FBXL7: variants seen among roughly 807,000 people sequenced by gnomAD.
The protein encoded by FBXL7 is F-box/LRR-repeat protein 7.
Under a neutral mutation model 38.3 loss-of-function variants are expected in FBXL7, and 12 were observed. That is an observed-to-expected ratio of 0.31 (90% confidence interval 0.20 to 0.51). The LOEUF (loss-of-function observed/expected upper bound fraction) is 0.51. Among genes scored for constraint, FBXL7 ranks in the 20% least tolerant of loss-of-function variants. The pLI is 0.98. For missense variants in FBXL7, 567 were observed against 676.4 expected, an observed-to-expected ratio of 0.84 and a Z score of 1.79; for synonymous variants, 297 against 300.9, an observed-to-expected ratio of 0.99 and a Z score of 0.13.
At chr5:15,656,367 T>C (rs1194476005) in intron 2 of FBXL7, among the ~76,000 whole-genome samples, 1 of 152,220 alleles carries the variant, frequency 6.6e-6, no homozygotes, top group East Asian at 1.9e-4. Flanking sequence ...AAAGGTTTAA[T>C]TGGACTTACA....
At chr5:15,777,561 TATAAA>T (rs1360990770) in intron 2 of FBXL7, among the ~76,000 whole-genome samples, 1 of 151,858 alleles carries the variant, frequency 6.6e-6, no homozygotes, top group Non-Finnish European at 1.5e-5. Flanking sequence ...TTGTCAGACT[TATAAA>T]ATATTATCCA....
At chr5:15,511,700 T>A (rs1561010484) in intron 1 of FBXL7, among the ~76,000 whole-genome samples, 1 of 152,334 alleles carries the variant, frequency 6.6e-6, no homozygotes, top group South Asian at 2.1e-4. Context: ...ACAGGAATGG[T>A]GGCAGGGGCA....
intron 2 of FBXL7, among the ~76,000 whole-genome samples, chr5:15,671,188 T>C (rs1200915016): frequency 6.6e-6 from 1 of 152,218 alleles, no homozygotes; most frequent in Non-Finnish European, 1.5e-5. Flanking sequence ...AAAGTTGCTA[T>C]AGTTCTGTAC....
At chr5:15,569,958 T>C (rs2126450416) in intron 1 of FBXL7, among the ~76,000 whole-genome samples, 1 of 152,328 alleles carries the variant, frequency 6.6e-6, no homozygotes, top group East Asian at 1.9e-4. Context: ...TCATGGTGGA[T>C]AAGTTTTTTG....
At chr5:15,673,569 G>A (rs187126227) in intron 2 of FBXL7, among the ~76,000 whole-genome samples, 14 of 152,130 alleles carry the variant, frequency 9.2e-5, no homozygotes, top group African/African-American at 3.1e-4. Context: ...CCTTTGGAGT[G>A]GTCACATGGT....
chr5:15,565,313 G>A (rs1195349509), intron 1 of FBXL7, among the ~76,000 whole-genome samples: 1 of 151,940 alleles, frequency 6.6e-6, no homozygotes, highest in African/African-American at 2.4e-5. Flanking sequence ...TCAAATGAAC[G>A]GAAACCTTCA....
intron 1 of FBXL7, among the ~76,000 whole-genome samples, chr5:15,543,398 AC>A (rs1737810559): frequency 6.6e-6 from 1 of 152,132 alleles, no homozygotes; most frequent in African/African-American, 2.4e-5. Flanking sequence ...ACCTGGCTCC[AC>A]CCTTGACGCT....
rs146294046 is a variant in FBXL7, at chr5:15,828,141, A to G, written c.128-99749A>G. The stretch of plus-strand genomic sequence containing the variant: ...GTTTCACATCATACCTGAAAAATGG[A>G]AATAATACCTATCTTATGAGGTTGT... On this transcript the variant is annotated intron_variant, in intron 2 of 3. Transcript: ENST00000504595. Among the ~76,000 whole-genome samples, 493 of 152,322 alleles carry G rather than the reference A, an allele frequency of 3.2e-3. 3 individuals are homozygous for G. Among genetic ancestry groups the G allele is most frequent in the African/African-American group, 0.011 (470 of 41,564 alleles).
intron 1 of FBXL7, among the ~76,000 whole-genome samples, chr5:15,523,385 C>T (rs767395818): frequency 2.5e-4 from 38 of 151,960 alleles, no homozygotes; most frequent in Non-Finnish European, 4.4e-4. Flanking sequence ...GGTGAAACCC[C>T]GTCTCTACTA....
intron 2 of FBXL7, among the ~76,000 whole-genome samples, chr5:15,829,483 AAAC>A (rs201040522): frequency 0.15 from 4,950 of 32,240 alleles, 275 homozygotes; most frequent in African/African-American, 0.42. Flanking sequence ...TTATAAAAAC[AAAC>A]AAAGCATGGT....
chr5:15,501,778 C>G, intron 1 of FBXL7: 1 of 980,520 alleles, frequency 1.0e-6, no homozygotes, highest in East Asian at 1.1e-4. Context: ...CAGAAACCGA[C>G]CCTACAAAAA....
intron 2 of FBXL7, among the ~76,000 whole-genome samples, chr5:15,662,486 G>A (rs1304120788): frequency 6.6e-6 from 1 of 152,022 alleles, no homozygotes; most frequent in East Asian, 1.9e-4. Context: ...TTCTTTTTCT[G>A]TGCAGAAGCT....
At chr5:15,529,626 G>T (rs866010533) in intron 1 of FBXL7, among the ~76,000 whole-genome samples, 13 of 152,078 alleles carry the variant, frequency 8.5e-5, no homozygotes, top group Non-Finnish European at 8.8e-5. Context: ...CTGACCTCGT[G>T]ATCCACCCAC....
At chr5:15,706,652 T>C (rs528520124) in intron 2 of FBXL7, among the ~76,000 whole-genome samples, 10 of 152,054 alleles carry the variant, frequency 6.6e-5, no homozygotes, top group African/African-American at 9.7e-5. Flanking sequence ...ATGGAAAGAT[T>C]TGTAAAATGA....
intron 2 of FBXL7, among the ~76,000 whole-genome samples, chr5:15,899,104 T>C (rs1157473544): frequency 6.6e-6 from 1 of 152,170 alleles, no homozygotes; most frequent in Non-Finnish European, 1.5e-5. Context: ...TTTGCTTTTG[T>C]TGCCCAGGCT....
rs565275335 is a variant in FBXL7 at position 15,662,778 on chromosome 5, T to C, written c.127+46706T>C. ...TGGAGTCTTTTCCCTATTGTTTGTT[T>C]TTGTCAGCTTTGTCAAAGATCAGAT... On this transcript the variant is annotated intron_variant, in intron 2 of 3. Coordinates refer to ENST00000504595, the MANE Select transcript of FBXL7 (RefSeq NM_012304.5). Among the ~76,000 whole-genome samples, 88 of 152,296 alleles carry C rather than the reference T, an allele frequency of 5.8e-4. 1 individual carries two copies. Among genetic ancestry groups the C allele is most frequent in the African/African-American group, 2.0e-3 (83 of 41,564 alleles).
At chr5:15,580,574 T>TAG in intron 1 of FBXL7, 1 of 967,412 alleles carries the variant, frequency 1.0e-6, no homozygotes, top group Non-Finnish European at 1.2e-6. Flanking sequence ...TTTTAGTCTT[T>TAG]AAACAAATCT....
intron 2 of FBXL7, among the ~76,000 whole-genome samples, chr5:15,723,720 A>G (rs1744266906): frequency 6.6e-6 from 1 of 152,242 alleles, no homozygotes; most frequent in Non-Finnish European, 1.5e-5. Context: ...TTATAAGTGT[A>G]CATAATTTAC....
intron 2 of FBXL7, among the ~76,000 whole-genome samples, chr5:15,922,999 T>C (rs1561189799): frequency 6.6e-6 from 1 of 152,338 alleles, no homozygotes; most frequent in African/African-American, 2.4e-5. Context: ...TCTAAATCCA[T>C]AATCTAAGTT....
Sources: gnomAD v4.1 joint callset for allele counts (sites outside exome capture counted in the v4.1 genomes callset) on GRCh38, gnomAD v4.1.1 for gene constraint, MANE v1.5 for transcripts, NCBI Gene and HGNC (gene_info 2026-07-23, HGNC 2026-07-21) for gene names.